The following SBNO2 variants were observed in gnomAD, a reference collection of about 807,000 sequenced individuals.
SBNO2 encodes strawberry notch homolog 2, also known as protein strawberry notch homolog 2.
Under a neutral mutation model 146.3 loss-of-function variants are expected in SBNO2, and 89 were observed. The observed-to-expected ratio is 0.61, with a 90% CI of 0.51 to 0.73. SBNO2 has a LOEUF of 0.73. Ranked by LOEUF, SBNO2 falls within the 30% of genes least tolerant of loss-of-function variation. The probability of loss-of-function intolerance (pLI) is 0.00; values close to 1 mark genes in which losing one functional copy is unlikely to be tolerated. For synonymous variants in SBNO2, 1,147 were observed against 892.6 expected (o/e 1.29, Z -5.08); for missense variants, 2,092 against 2,003.7 (o/e 1.04, Z -0.84).
At chr19:1,146,063 C>T (rs1041032991) in intron 4 of SBNO2, among the ~76,000 whole-genome samples, 4 of 152,158 alleles carry the variant, frequency 2.6e-5, no homozygotes, top group African/African-American at 7.2e-5. Flanking sequence ...TGTGGCCACA[C>T]CGCCCCAGCC....
Position 1,122,185 on chromosome 19 carries a change from C to T in SBNO2, c.1103G>A (p.Arg368His), listed in dbSNP as rs2079908627. ...ACACCAGTCCAGGATCTGCCGGAGG[C>T]GAGTGCGGTGCTGGCCGCCGGCCTG... ...ESQAGGQHRTRLRQILDWCGE... is the reference protein window; with the variant it reads ...ESQAGGQHRTHLRQILDWCGE... The change falls in exon 11 of 32, where the codon CGC becomes CAC. Residue 368 changes from arginine to histidine, a missense_variant. Physicochemically the swap from Arg to His is conservative, Grantham distance 29 (BLOSUM62 0). Transcript: ENST00000361757. The T allele has an allele frequency of 1.3e-6, 2 of 1,540,032 alleles. No individual in the cohort carries two copies. Among genetic ancestry groups the T allele is most frequent in the Non-Finnish European group, 1.8e-6 (2 of 1,141,866 alleles).
intron 4 of SBNO2, among the ~76,000 whole-genome samples, chr19:1,133,800 A>G (rs1313402257): frequency 6.6e-6 from 1 of 152,198 alleles, no homozygotes; most frequent in Non-Finnish European, 1.5e-5. Context: ...AGCCAATCAC[A>G]GCCACTCCCA....
rs1258031549 is a variant in SBNO2 at position 1,123,162 on chromosome 19, G to A, written c.629-117C>T. On this transcript the variant is annotated intron_variant, in intron 7 of 31. Coordinates refer to ENST00000361757, the MANE Select transcript of SBNO2 (RefSeq NM_014963.3). ...CCAGAGCTGGCGGGGCAGTTTGGGG[G>A]CGTGGCCAGGTCCCGTTGGGCGGGT... 2.5e-6 allele frequency: 3 copies of A among 1,191,280 alleles called. No homozygotes were observed. In the Admixed American group the frequency reaches 6.2e-5, roughly 25 times the overall value. 73.8% of individuals were successfully genotyped at this position (1,191,280 alleles called of 1,614,324 possible).
chr19:1,165,760 G>A (rs2080410554), intron 1 of SBNO2, among the ~76,000 whole-genome samples: 1 of 133,026 alleles, frequency 7.5e-6, no homozygotes, highest in Non-Finnish European at 1.6e-5. Flanking sequence ...TCAGACCCCA[G>A]ACCCCAGATC....
chr19:1,170,385 C>T (rs2080465962), intron 1 of SBNO2, among the ~76,000 whole-genome samples: 1 of 152,096 alleles, frequency 6.6e-6, no homozygotes, highest in Admixed American at 6.5e-5. Context: ...GGCCAACCTC[C>T]CGGGGGTTGG....
In SBNO2 at chr19:1,136,816, G is replaced by A. The variant is rs768331490; in HGVS notation, c.280-9051C>T. On this transcript the variant is annotated intron_variant, in intron 4 of 31. Transcript: ENST00000361757. The surrounding 1 kb of genome is among the most constrained non-coding windows in gnomAD (Gnocchi z 4.2). ...AGTTTGCAAAGCGCTTTTCTGAGCCGTGAGCTCATCCTGAGCTTCCCAGAA... is the reference window on the plus strand; with the variant it reads ...AGTTTGCAAAGCGCTTTTCTGAGCCATGAGCTCATCCTGAGCTTCCCAGAA... Among the ~76,000 whole-genome samples the A allele has an allele frequency of 3.0e-4, 45 of 152,128 alleles. No homozygotes were observed. Among genetic ancestry groups the A allele is most frequent in the Non-Finnish European group, 5.3e-4 (36 of 68,018 alleles).
Position 1,108,894 on chromosome 19 carries a change from C to A in SBNO2, c.3501G>T (p.Leu1167=). 1 of 1,587,328 alleles carries A rather than the reference C, an allele frequency of 6.3e-7. No homozygotes were observed. The change falls in exon 31 of 32, where the codon CTG becomes CTT. Residue 1167 remains leucine (L), a synonymous_variant. Transcript: ENST00000361757. ...CCCACACGCGCAGCAGCGCGCCGCA[C>A]AGCATGTAGTGGTGCCGCAGCCGCA... The part of the protein sequence containing the change: ...QGLRLRHHYM[L]CGALLRVWGR...
intron 1 of SBNO2, among the ~76,000 whole-genome samples, chr19:1,165,147 G>T (rs2080400323): frequency 6.6e-6 from 1 of 152,258 alleles, no homozygotes; most frequent in South Asian, 2.1e-4. Context: ...GCCATGCGAG[G>T]GAGGACCCGG....
Position 1,112,238 on chromosome 19 carries a change from G to A in SBNO2, c.2579C>T (p.Ala860Val), listed in dbSNP as rs1480663924. 1.3e-6 allele frequency: 2 copies of A among 1,591,522 alleles called. No individual in the cohort carries two copies. The highest frequency in any genetic ancestry group is 1.7e-6 in the Non-Finnish European group (2 of 1,169,556). The change falls in exon 22 of 32, where the codon GCC (alanine) becomes GTC (valine). Residue 860 changes from alanine to valine, a missense_variant. By Grantham distance (64) the Ala-to-Val change is moderately conservative (BLOSUM62 0). Transcript: ENST00000361757. The surrounding 1 kb of genome is among the most constrained non-coding windows in gnomAD (Gnocchi z 5.9). ...PEYVFLISEL[A>V]GERRFASIVA... ...GATGGAGGCGAACCGGCGCTCCCCG[G>A]CCAGCTCCGAGATGAGGAAGACATA...
In SBNO2 at chr19:1,109,084, C is replaced by T. The variant is rs750981019; in HGVS notation, c.3425+51G>A. On this transcript the variant is annotated intron_variant, in intron 30 of 31. Transcript: ENST00000361757. The surrounding 1 kb of genome is among the most constrained non-coding windows in gnomAD (Gnocchi z 4.2). ...GGTCTCGGGAGCCCCCGATCCCCGC[C>T]TGGGTCGCCGCCATCTGCCGGTTTC... The T allele has an allele frequency of 1.9e-4, 298 of 1,539,950 alleles. No individual in the cohort carries two copies. Among genetic ancestry groups the T allele is most frequent in the Middle Eastern group, 4.1e-4 (2 of 4,896 alleles).
chr19:1,144,842 G>A lies in SBNO2; in HGVS notation c.279+2467C>T, dbSNP rs2080172789. Among the ~76,000 whole-genome samples the A allele has an allele frequency of 1.4e-5, 2 of 138,980 alleles. No individual in the cohort carries two copies. The highest frequency in any genetic ancestry group is 5.5e-5 in the African/African-American group (2 of 36,256). The allele number at this position is 138,980 out of a possible 152,430, so 91.2% of individuals were successfully genotyped here. ...CAGAGAGGGAGACAGAGAGACAGGG[G>A]CAGAGACAAGCAGAGAGGGAGACAC... On this transcript the variant is annotated intron_variant, in intron 4 of 31. Coordinates refer to ENST00000361757, the MANE Select transcript of SBNO2 (RefSeq NM_014963.3). This position sits in a 1 kb window ranked among gnomAD's most constrained non-coding sequence, Gnocchi z 4.1.
At chr19:1,165,173 T>C (rs919814) in intron 1 of SBNO2, among the ~76,000 whole-genome samples, 40,688 of 152,106 alleles carry the variant, frequency 0.27, 6,310 homozygotes, top group East Asian at 0.45. Flanking sequence ...AGCGTGGCCC[T>C]GCCTGACATC....
intron 4 of SBNO2, among the ~76,000 whole-genome samples, chr19:1,131,189 C>T (rs917101484): frequency 2.0e-5 from 3 of 152,184 alleles, no homozygotes; most frequent in Admixed American, 2.0e-4. Context: ...CTGCATCCTT[C>T]ACCACATGAC....
rs1002970600 is a variant in SBNO2, at chr19:1,158,818, A to T, written c.-126-4416T>A. Among the ~76,000 whole-genome samples the T allele has an allele frequency of 6.6e-6, 1 of 152,152 alleles. No homozygotes were observed. Among genetic ancestry groups the T allele is most frequent in the Non-Finnish European group, 1.5e-5 (1 of 68,014 alleles). ...GGGAACCCCGCACAGAGCCACGGCCATAAGACAGAGCGGACTTGCGGCCTC... is the reference window on the plus strand; with the variant it reads ...GGGAACCCCGCACAGAGCCACGGCCTTAAGACAGAGCGGACTTGCGGCCTC... On this transcript the variant is annotated intron_variant, in intron 1 of 31. Transcript: ENST00000361757. This position sits in a 1 kb window ranked among gnomAD's most constrained non-coding sequence, Gnocchi z 9.9.
In SBNO2 at chr19:1,112,390, G is replaced by C; in HGVS notation, c.2515+12C>G. The stretch of plus-strand genomic sequence containing the variant: ...CGGGGCCAGGCAGCGCTGGGGGCGG[G>C]GCCGGACTCACCGAACTGCTGGATG... On this transcript the variant is annotated intron_variant, in intron 21 of 31. Transcript: ENST00000361757. The surrounding 1 kb of genome is among the most constrained non-coding windows in gnomAD (Gnocchi z 5.9). 6.3e-7 allele frequency: 1 copy of C among 1,595,908 alleles called. No homozygotes were observed. Among genetic ancestry groups the C allele is most frequent in the Non-Finnish European group, 8.5e-7 (1 of 1,174,828 alleles).
intron 2 of SBNO2, 31 bp downstream of exon 2, chr19:1,154,153 C>G: frequency 8.9e-7 from 1 of 1,121,066 alleles, no homozygotes; most frequent in Non-Finnish European, 1.1e-6. Context: ...TGGACCCCGT[C>G]GGGTGGGCCG....
At chr19:1,120,465 C>G (rs920500889) in intron 11 of SBNO2, among the ~76,000 whole-genome samples, 5 of 152,214 alleles carry the variant, frequency 3.3e-5, no homozygotes, top group Non-Finnish European at 5.9e-5. Context: ...CTCTCAGATT[C>G]AAGTGATTCT....
intron 6 of SBNO2, 136 bp from the exon 7 acceptor site, chr19:1,123,775 T>C: frequency 9.4e-7 from 1 of 1,065,330 alleles, no homozygotes; most frequent in Non-Finnish European, 1.4e-6. Flanking sequence ...TGTCTGCCCC[T>C]GCAGCAAGGT....
chr19:1,120,106 CTTCCT>C, intron 11 of SBNO2, 83 bp from the exon 12 acceptor site: 7 of 1,074,292 alleles, frequency 6.5e-6, no homozygotes, highest in South Asian at 1.4e-5. Flanking sequence ...AAGACCCCAC[CTTCCT>C]GGTGGGGGGC....
Sources: gnomAD v4.1 joint callset for allele counts (sites outside exome capture counted in the v4.1 genomes callset) on GRCh38, gnomAD v4.1.1 for gene constraint, Gnocchi (gnomAD v3.1) non-coding constraint, MANE v1.5 for transcripts, NCBI Gene and HGNC (gene_info 2026-07-23, HGNC 2026-07-21) for gene names.